Variants in ANK2 observed in about 807,000 individuals in gnomAD.
The protein encoded by ANK2 is ankyrin 2, also known as ankyrin-2.
A neutral mutation model predicts 360.5 loss-of-function variants in ANK2; 83 were observed. The ratio of observed to expected loss-of-function variants is 0.23; its 90% CI spans 0.19 to 0.28. The LOEUF (loss-of-function observed/expected upper bound fraction) is 0.28, where lower values mean the gene tolerates loss of function less well. ANK2 is among the 10% of genes least tolerant of loss of function. The pLI, the probability that ANK2 is intolerant of heterozygous loss-of-function variation, is 1.00. For missense variants in ANK2, 4,201 were observed against 4,795.7 expected, an observed-to-expected ratio of 0.88 and a Z score of 3.66; for synonymous variants, 1,740 against 1,759.5, an observed-to-expected ratio of 0.99 and a Z score of 0.28.
At chr4:112,794,291 T>G in the ANK2 span, among the ~76,000 whole-genome samples, 1 of 152,254 alleles carries the variant, frequency 6.6e-6, no homozygotes, top group South Asian at 2.1e-4. Flanking sequence ...ATTAAGATTT[T>G]ATTTGTAAGG....
At chr4:112,722,501 G>C in the ANK2 span, among the ~76,000 whole-genome samples, 2 of 152,256 alleles carry the variant, frequency 1.3e-5, no homozygotes, top group Middle Eastern at 3.4e-3. Context: ...AGGATTGTTG[G>C]CTCAGTGGCT....
At chr4:113,030,661 T>A (rs1173988552) in intron 2 of ANK2, among the ~76,000 whole-genome samples, 3 of 151,974 alleles carry the variant, frequency 2.0e-5, no homozygotes, top group Middle Eastern at 3.2e-3. Flanking sequence ...TGCCATTGTT[T>A]AAAAAAATCT....
Position 113,358,403 on chromosome 4 carries a change from C to T in ANK2, c.9785C>T (p.Thr3262Ile), listed in dbSNP as rs2095954523. Residue 3262 changes from threonine to isoleucine, a missense_variant, in exon 38 of 46, where the codon ACC becomes ATC. Physicochemically the swap from Thr to Ile is moderately conservative, Grantham distance 89 (BLOSUM62 -1). Transcript: ENST00000357077. ...VQVQLDFSTL[T>I]RSVYSDRGDD... is the part of the protein sequence containing the mutation. ...GTCCAGTTAGATTTTTCCACACTCA[C>T]CAGGTCTGTTTATTCAGATAGGGGT... is the stretch of plus-strand genomic sequence containing the variant. 3 of 1,614,092 alleles carry T rather than the reference C, an allele frequency of 1.9e-6. No homozygotes were observed. The highest frequency in any genetic ancestry group is 2.5e-6 in the Non-Finnish European group (3 of 1,179,976).
chr4:112,753,757 T>C, the ANK2 span, among the ~76,000 whole-genome samples: 6 of 152,052 alleles, frequency 3.9e-5, no homozygotes, highest in African/African-American at 1.4e-4. Context: ...CCCTATGTTG[T>C]CTAAAAGGGG....
chr4:112,996,214 G>T (rs978398495), intron 2 of ANK2, among the ~76,000 whole-genome samples: 3 of 152,128 alleles, frequency 2.0e-5, no homozygotes, highest in African/African-American at 7.2e-5. Flanking sequence ...TTTAGAAAAT[G>T]CAAACTAATT....
chr4:113,098,201 G>T (rs147853801), intron 1 of ANK2, among the ~76,000 whole-genome samples: 30 of 151,452 alleles, frequency 2.0e-4, no homozygotes, highest in Non-Finnish European at 3.8e-4. Flanking sequence ...CAGAAGAAAA[G>T]AAATAAGAAT....
Position 113,357,183 on chromosome 4 carries a change from A to G in ANK2, c.8565A>G (p.Val2855=). ...CATCCTCTTTGCCTCATTGTTTGGT[A>G]TCTGAAGGAAAAGAATTAGATGAAG... The part of the protein sequence containing the change: ...SSSSSLPHCL[V]SEGKELDEDI... The change falls in exon 38 of 46, where the codon GTA becomes GTG. Residue 2855 remains valine, a synonymous_variant. Transcript: ENST00000357077. 1.2e-6 allele frequency: 2 copies of G among 1,614,156 alleles called. No individual in the cohort carries two copies. Among genetic ancestry groups the G allele is most frequent in the Non-Finnish European group, 1.7e-6 (2 of 1,179,988 alleles).
Position 113,332,074 on chromosome 4 carries a change from G to C in ANK2, c.3224+4G>C. ...CTCCTGGAACCAAATTCCTTGGGTAGGAGTGACTTAAAACAAATTGATGGC... is the reference window on the plus strand; with the variant it reads ...CTCCTGGAACCAAATTCCTTGGGTACGAGTGACTTAAAACAAATTGATGGC... On this transcript the variant is annotated splice_donor_region_variant and intron_variant, in intron 28 of 45. Transcript: ENST00000357077. The C allele has an allele frequency of 1.9e-6, 3 of 1,611,734 alleles. No homozygotes were observed. Among genetic ancestry groups the C allele is most frequent in the Non-Finnish European group, 2.5e-6 (3 of 1,177,844 alleles).
At chr4:113,234,464 C>G (rs1327048097) in intron 5 of ANK2, among the ~76,000 whole-genome samples, 1 of 152,146 alleles carries the variant, frequency 6.6e-6, no homozygotes, top group African/African-American at 2.4e-5. Context: ...ATTAAACTCT[C>G]AATGCCTGCA....
At chr4:113,014,959 C>T (rs2056117900) in intron 2 of ANK2, among the ~76,000 whole-genome samples, 1 of 148,572 alleles carries the variant, frequency 6.7e-6, no homozygotes, top group South Asian at 2.2e-4. Context: ...GCCGGGTTCA[C>T]GCCATTCTCC....
intron 1 of ANK2, among the ~76,000 whole-genome samples, chr4:113,102,352 A>G (rs555580912): frequency 6.6e-6 from 1 of 152,246 alleles, no homozygotes; most frequent in Admixed American, 6.5e-5. Flanking sequence ...TTCGGGGGAA[A>G]AAATCCAAAA....
chr4:113,275,009 G>C (rs902262001), intron 15 of ANK2, among the ~76,000 whole-genome samples: 1 of 152,094 alleles, frequency 6.6e-6, no homozygotes, highest in South Asian at 2.1e-4. Flanking sequence ...ATGAGGAAGA[G>C]GGTACTGCAT....
intron 1 of ANK2, among the ~76,000 whole-genome samples, chr4:112,877,408 G>A (rs779630797): frequency 6.6e-6 from 1 of 152,092 alleles, no homozygotes; most frequent in Admixed American, 6.6e-5. Flanking sequence ...AGAGTGCTGT[G>A]GTATGATTAT....
intron 2 of ANK2, among the ~76,000 whole-genome samples, chr4:113,039,563 G>A (rs908149775): frequency 1.3e-5 from 2 of 151,810 alleles, no homozygotes; most frequent in African/African-American, 4.8e-5. Flanking sequence ...AGAGCACTGA[G>A]CAATTGCTGG....
intron 2 of ANK2, among the ~76,000 whole-genome samples, chr4:112,937,184 G>C (rs992689560): frequency 2.0e-5 from 3 of 152,124 alleles, no homozygotes; most frequent in African/African-American, 7.2e-5. Context: ...GCAGGGGATC[G>C]AAGGATGGGT....
intron 1 of ANK2, among the ~76,000 whole-genome samples, chr4:112,898,839 T>A (rs2082462101): frequency 6.6e-6 from 1 of 152,060 alleles, no homozygotes; most frequent in South Asian, 2.1e-4. Context: ...CAGCAGGAGA[T>A]AAAAGGGGAG....
the ANK2 span, among the ~76,000 whole-genome samples, chr4:112,752,125 A>G: frequency 6.6e-6 from 1 of 152,176 alleles, no homozygotes; most frequent in Non-Finnish European, 1.5e-5. Flanking sequence ...AATTCAAGGG[A>G]GCAGGGAGTC....
chr4:113,043,540 G>T (rs2063495433), intron 2 of ANK2, among the ~76,000 whole-genome samples: 1 of 152,066 alleles, frequency 6.6e-6, no homozygotes, highest in African/African-American at 2.4e-5. Flanking sequence ...CCAAAGCACT[G>T]GGATTACAGG....
intron 26 of ANK2, among the ~76,000 whole-genome samples, chr4:113,329,579 C>T (rs976386096): frequency 5.9e-5 from 9 of 152,072 alleles, no homozygotes; most frequent in Admixed American, 2.0e-4. Context: ...GGTGTATGGG[C>T]GGGCCTACTT....
Sources: allele counts gnomAD v4.1 joint callset (sites outside exome capture counted in the v4.1 genomes callset), GRCh38; gene constraint gnomAD v4.1.1; transcripts MANE v1.5; gene names NCBI Gene and HGNC (gene_info 2026-07-23, HGNC 2026-07-21).